Variants in ZNF362 observed in about 807,000 individuals in gnomAD.
The protein encoded by ZNF362 is rotund homolog.
ZNF362 carries 11 observed loss-of-function variants against 42.9 expected under a neutral mutation model. The observed-to-expected ratio is 0.26, with a 90% CI of 0.16 to 0.42. ZNF362 has a LOEUF of 0.42. Among genes scored for constraint, ZNF362 ranks in the 20% least tolerant of loss-of-function variants. The pLI, the probability that ZNF362 is intolerant of heterozygous loss-of-function variation, is 1.00. For synonymous variants in ZNF362, 255 were observed against 257.3 expected, an observed-to-expected ratio of 0.99 and a Z score of 0.09; for missense variants, 362 against 576.2, an observed-to-expected ratio of 0.63 and a Z score of 3.81.
intron 1 of ZNF362, among the ~76,000 whole-genome samples, chr1:33,265,423 C>T (rs977420606): frequency 2.6e-5 from 4 of 152,088 alleles, no homozygotes; most frequent in African/African-American, 7.2e-5. Context: ...CCTGCCATCA[C>T]AATGAAAACA....
chr1:33,272,887 C>T (rs1206492632), intron 2 of ZNF362, among the ~76,000 whole-genome samples: 2 of 152,276 alleles, frequency 1.3e-5, no homozygotes, highest in Non-Finnish European at 2.9e-5. Context: ...GCTTTCACAT[C>T]TCCACACCTT....
the ZNF362 span, among the ~76,000 whole-genome samples, chr1:33,178,856 T>C: frequency 6.6e-6 from 1 of 152,364 alleles, no homozygotes; most frequent in Non-Finnish European, 1.5e-5. Context: ...ATTTCTCCTG[T>C]GTCCCCCAGG....
the ZNF362 span, among the ~76,000 whole-genome samples, chr1:33,183,414 C>A: frequency 6.6e-6 from 1 of 152,210 alleles, no homozygotes; most frequent in Admixed American, 6.5e-5. Flanking sequence ...TAGTTGGTTG[C>A]TCATGCAACA....
At chr1:33,145,772 G>T in the ZNF362 span, 2 of 445,056 alleles carry the variant, frequency 4.5e-6, no homozygotes, top group African/African-American at 2.0e-5. Context: ...CCTAGATGTG[G>T]ACTCCACCCT....
the ZNF362 span, among the ~76,000 whole-genome samples, chr1:33,192,979 CCACA>C: frequency 7.2e-5 from 10 of 139,806 alleles, no homozygotes; most frequent in African/African-American, 2.6e-4. Context: ...GTCTCTCTCT[CCACA>C]CACACACACA....
chr1:33,137,054 G>A, the ZNF362 span, among the ~76,000 whole-genome samples: 427 of 151,916 alleles, frequency 2.8e-3, no homozygotes, highest in African/African-American at 1.0e-2. Context: ...GGGGAGTGAC[G>A]GTTGGCCAGG....
At chr1:33,134,931 C>A in the ZNF362 span, among the ~76,000 whole-genome samples, 1 of 152,222 alleles carries the variant, frequency 6.6e-6, no homozygotes, top group African/African-American at 2.4e-5. Flanking sequence ...CGCTGGGTTC[C>A]CTCCCTGCCT....
At chr1:33,136,810 A>C in the ZNF362 span, among the ~76,000 whole-genome samples, 3 of 151,790 alleles carry the variant, frequency 2.0e-5, no homozygotes, top group South Asian at 6.2e-4. Flanking sequence ...CAGCCTGGCC[A>C]ATATGGTGAA....
chr1:33,134,139 G>A, the ZNF362 span, among the ~76,000 whole-genome samples: 1 of 152,218 alleles, frequency 6.6e-6, no homozygotes, highest in East Asian at 1.9e-4. Context: ...CACTTACCGT[G>A]GGCCAGGCAT....
the ZNF362 span, chr1:33,147,847 G>T: frequency 8.9e-7 from 1 of 1,117,680 alleles, no homozygotes. The surrounding 1 kb of genome is among the most constrained non-coding windows in gnomAD (Gnocchi z 8.1). Context: ...CCTGCTGTGT[G>T]ACCTTGAATA....
chr1:33,288,765 A>AAAAAAAAAAAAAAAAAAAG (rs1646051958), intron 6 of ZNF362, among the ~76,000 whole-genome samples: 3 of 133,618 alleles, frequency 2.2e-5, no homozygotes, highest in Non-Finnish European at 5.1e-5. Context: ...AAAAAAAAGA[A>AAAAAAAAAAAAAAAAAAAG]GCGTGACCAC....
At chr1:33,154,965 T>C in the ZNF362 span, among the ~76,000 whole-genome samples, 34,894 of 150,024 alleles carry the variant, frequency 0.23, 4,063 homozygotes, top group South Asian at 0.3. Context: ...TCTTGGCAGG[T>C]GCCTGCAGTC....
chr1:33,254,241 C>T (rs12040608), upstream of ZNF362, among the ~76,000 whole-genome samples: 29,962 of 152,022 alleles, frequency 0.2, 3,360 homozygotes, highest in South Asian at 0.28. Context: ...ATTCTTCTGC[C>T]TCAGACTCCT....
chr1:33,145,895 A>T, the ZNF362 span: 3 of 471,136 alleles, frequency 6.4e-6, no homozygotes, highest in Non-Finnish European at 1.3e-5. Flanking sequence ...CCTTGCAGCC[A>T]AGGTTCTGGA....
the ZNF362 span, chr1:33,181,432 T>C: frequency 1.3e-6 from 2 of 1,592,258 alleles, no homozygotes; most frequent in Non-Finnish European, 1.7e-6. The surrounding 1 kb of genome is among the most constrained non-coding windows in gnomAD (Gnocchi z 6.5). Flanking sequence ...CTGCACGCCA[T>C]GGCGCCAGGG....
the ZNF362 span, among the ~76,000 whole-genome samples, chr1:33,132,791 C>T: frequency 8.5e-5 from 13 of 152,306 alleles, no homozygotes; most frequent in African/African-American, 3.1e-4. Context: ...AACCATGAAC[C>T]TTGTGGTTGA....
chr1:33,207,656 G>A, the ZNF362 span, among the ~76,000 whole-genome samples: 1 of 152,204 alleles, frequency 6.6e-6, no homozygotes, highest in Non-Finnish European at 1.5e-5. Flanking sequence ...ACTGGCGTGA[G>A]ATGGTATCTC....
chr1:33,248,480 C>T, the ZNF362 span, among the ~76,000 whole-genome samples: 1 of 152,224 alleles, frequency 6.6e-6, no homozygotes, highest in Non-Finnish European at 1.5e-5. Flanking sequence ...CATTGCTAAT[C>T]AGTCACAGCA....
chr1:33,145,597 C>G, the ZNF362 span: 1 of 201,352 alleles, frequency 5.0e-6, no homozygotes, highest in Admixed American at 5.6e-5. Context: ...TTAGCTCTTC[C>G]GGCTACTTTG....
Sources: gnomAD v4.1 joint callset for allele counts (sites outside exome capture counted in the v4.1 genomes callset) on GRCh38, gnomAD v4.1.1 for gene constraint, Gnocchi (gnomAD v3.1) non-coding constraint, MANE v1.5 for transcripts, NCBI Gene and HGNC (gene_info 2026-07-23, HGNC 2026-07-21) for gene names.